ZNF33A: variants seen among roughly 807,000 people sequenced by gnomAD.
ZNF33A encodes the protein zinc finger protein 33A, also known as brain my041 protein.
ZNF33A carries 9 observed loss-of-function variants against 15.9 expected under a neutral mutation model. The observed-to-expected ratio is 0.57, with a 90% confidence interval of 0.34 to 0.99. The LOEUF (loss-of-function observed/expected upper bound fraction) is 0.99, where lower values mean the gene tolerates loss of function less well. ZNF33A is among the 50% of genes least tolerant of loss of function. The pLI is 0.02. For missense variants in ZNF33A, 843 were observed against 941.6 expected (o/e 0.90, Z 1.37); for synonymous variants, 294 against 324.2 (o/e 0.91, Z 1.00).
At chr10:38,018,210 G>A (rs2064558277) in intron 4 of ZNF33A, among the ~76,000 whole-genome samples, 1 of 152,218 alleles carries the variant, frequency 6.6e-6, no homozygotes, top group African/African-American at 2.4e-5. Flanking sequence ...AGAAATTAAA[G>A]CAAGTTAGAT....
rs1417559449 is a variant in ZNF33A, at chr10:38,053,251, C to G, written c.251-1124C>G. On this transcript the variant is annotated intron_variant, in intron 4 of 4. Coordinates refer to ENST00000432900, the MANE Select transcript of ZNF33A (RefSeq NM_006954.2). The stretch of plus-strand genomic sequence containing the variant: ...ATTGTGGAGGCTGGAAGTCTAAAGT[C>G]AAGGTGCCAGCAGGGTTGGTTTCTG... 2.6e-5 allele frequency among the ~76,000 whole-genome samples: 4 copies of G among 152,168 alleles called. No homozygotes were observed. The East Asian group carries it at 5.8e-4, about 22-fold the overall frequency.
At chr10:38,016,837 C>T in intron 2 of ZNF33A, 34 bp from the exon 3 acceptor site, 1 of 1,608,852 alleles carries the variant, frequency 6.2e-7, no homozygotes, top group South Asian at 1.1e-5. Flanking sequence ...GCCCATACTT[C>T]TTTTTTCATG....
chr10:38,056,145 T>C lies in ZNF33A; in HGVS notation c.2021T>C (p.Phe674Ser). 6.2e-7 allele frequency: 1 copy of C among 1,614,122 alleles called. No homozygotes were observed. The highest frequency in any genetic ancestry group is 8.5e-7 in the Non-Finnish European group (1 of 1,180,000). The change falls in exon 5 of 5, where the codon TTC (phenylalanine) becomes TCC (serine). Residue 674 changes from phenylalanine (F) to serine (S), a missense_variant. Transcript: ENST00000432900. ...PYKCNECGKS[F>S]CVKSGLIFHE... ...AAATGTAATGAATGTGGAAAATCTT[T>C]CTGTGTAAAATCAGGACTTATTTTC...
At chr10:38,031,800 T>C (rs2065224228) in intron 4 of ZNF33A, among the ~76,000 whole-genome samples, 1 of 149,990 alleles carries the variant, frequency 6.7e-6, no homozygotes, top group Admixed American at 6.7e-5. Flanking sequence ...CCATCTCTAC[T>C]AAAATACAAA....
At chr10:38,024,161 AAC>A (rs1491279508) in intron 4 of ZNF33A, among the ~76,000 whole-genome samples, 11 of 85,082 alleles carry the variant, frequency 1.3e-4, no homozygotes, top group Admixed American at 2.5e-4. Context: ...TCAAAAACAA[AAC>A]AAAAAAAAAA....
chr10:38,066,933 A>G (rs1348097899), downstream of ZNF33A, among the ~76,000 whole-genome samples: 1 of 152,182 alleles, frequency 6.6e-6, no homozygotes, highest in African/African-American at 2.4e-5. Context: ...CTCTGTCTCA[A>G]AACAAAACAG....
intron 4 of ZNF33A, among the ~76,000 whole-genome samples, chr10:38,041,723 A>G (rs1305834247): frequency 6.6e-6 from 1 of 152,212 alleles, no homozygotes; most frequent in Admixed American, 6.5e-5. Flanking sequence ...ACCAGTAAGT[A>G]TAATGTAAAC....
chr10:38,060,710 G>A (rs764833159), downstream of ZNF33A, among the ~76,000 whole-genome samples: 4 of 152,204 alleles, frequency 2.6e-5, no homozygotes, highest in Non-Finnish European at 5.9e-5. Flanking sequence ...TGGCCCATCC[G>A]AAGCCAGGGT....
intron 4 of ZNF33A, among the ~76,000 whole-genome samples, chr10:38,017,925 T>A (rs2064539777): frequency 6.6e-6 from 1 of 152,028 alleles, no homozygotes; most frequent in African/African-American, 2.4e-5. Context: ...TGAAACCCCG[T>A]CTGTACTAAA....
Position 38,056,743 on chromosome 10 carries a change from A to G in ZNF33A, c.*183A>G. On this transcript the variant is annotated 3_prime_UTR_variant, in exon 5 of 5. Transcript: ENST00000432900. ...GTGAAAGTTTTTGGCAAAAATGCAA[A>G]TAAGGTTATGTTAGAATTTACACTG... 1 of 1,249,156 alleles carries G rather than the reference A, an allele frequency of 8.0e-7. No homozygotes were observed. Among genetic ancestry groups the G allele is most frequent in the Non-Finnish European group, 1.0e-6 (1 of 997,212 alleles). 77.4% of individuals were successfully genotyped at this position (1,249,156 alleles called of 1,614,324 possible). A position where few individuals can be genotyped will look rare whatever the true frequency, so the allele number is the denominator to read the frequency against.
intron 4 of ZNF33A, among the ~76,000 whole-genome samples, chr10:38,037,713 C>T (rs2065514871): frequency 1.3e-5 from 2 of 152,264 alleles, no homozygotes. Flanking sequence ...TTTGTGAACT[C>T]TCAATTTTAT....
intron 2 of ZNF33A, among the ~76,000 whole-genome samples, chr10:38,013,089 TA>T (rs1647138594): frequency 6.6e-6 from 1 of 152,210 alleles, no homozygotes; most frequent in Non-Finnish European, 1.5e-5. Flanking sequence ...GTTTGATCAG[TA>T]AATTAAAATG....
At chr10:38,023,269 T>A (rs1355469452) in intron 4 of ZNF33A, among the ~76,000 whole-genome samples, 1 of 152,118 alleles carries the variant, frequency 6.6e-6, no homozygotes, top group Non-Finnish European at 1.5e-5. Flanking sequence ...TTAACACATT[T>A]AAAAAATTAT....
chr10:38,015,709 G>C (rs1030816201), intron 2 of ZNF33A, among the ~76,000 whole-genome samples: 1 of 152,096 alleles, frequency 6.6e-6, no homozygotes, highest in Non-Finnish European at 1.5e-5. Flanking sequence ...TTTACATTGT[G>C]GCCCTAGTAT....
intron 4 of ZNF33A, among the ~76,000 whole-genome samples, chr10:38,026,210 C>G (rs1383527262): frequency 6.6e-6 from 1 of 152,208 alleles, no homozygotes; most frequent in East Asian, 1.9e-4. Flanking sequence ...ATATCATTAT[C>G]TGCTCAAGTT....
intron 4 of ZNF33A, among the ~76,000 whole-genome samples, chr10:38,025,033 T>A (rs1404007136): frequency 6.6e-6 from 1 of 152,232 alleles, no homozygotes; most frequent in Non-Finnish European, 1.5e-5. Flanking sequence ...TATTTTATGA[T>A]CTTGTTAATC....
At chr10:38,060,335 C>G (rs1317508299), downstream of ZNF33A, among the ~76,000 whole-genome samples, 3 of 152,068 alleles carry the variant, frequency 2.0e-5, no homozygotes, top group East Asian at 1.9e-4. Context: ...GTCAGGGGGG[C>G]CAGGCACAAT....
At chr10:38,036,037 C>T (rs1246117348) in intron 4 of ZNF33A, among the ~76,000 whole-genome samples, 1 of 152,088 alleles carries the variant, frequency 6.6e-6, no homozygotes, top group Non-Finnish European at 1.5e-5. Flanking sequence ...GAAGAAAAAC[C>T]ACACACTAAT....
intron 2 of ZNF33A, among the ~76,000 whole-genome samples, chr10:38,013,411 T>G (rs2135530852): frequency 6.6e-6 from 1 of 152,138 alleles, no homozygotes; most frequent in African/African-American, 2.4e-5. Flanking sequence ...ACCCAGCCGG[T>G]AAATTAAAAT....
Sources: allele counts gnomAD v4.1 joint callset (sites outside exome capture counted in the v4.1 genomes callset), GRCh38; gene constraint gnomAD v4.1.1; transcripts MANE v1.5; gene names NCBI Gene and HGNC (gene_info 2026-07-23, HGNC 2026-07-21).